DDC: variants seen among roughly 807,000 people sequenced by gnomAD.
DDC encodes aromatic-L-amino-acid decarboxylase.
A neutral mutation model predicts 60.0 loss-of-function variants in DDC; 43 were observed. The observed-to-expected ratio is 0.72, with a 90% confidence interval of 0.56 to 0.92. The LOEUF (loss-of-function observed/expected upper bound fraction) is 0.92, where lower values mean the gene tolerates loss of function less well. Ranked by LOEUF, DDC falls within the 40% of genes least tolerant of loss-of-function variation. DDC has a pLI of 0.00. For synonymous variants in DDC, 232 were observed against 234.6 expected (o/e 0.99, Z 0.10); for missense variants, 573 against 620.2 (o/e 0.92, Z 0.81).
chr7:50,507,239 A>C (rs535257656), intron 6 of DDC, among the ~76,000 whole-genome samples: 2 of 152,150 alleles, frequency 1.3e-5, no homozygotes, highest in South Asian at 4.1e-4. Flanking sequence ...ACTAAATGCA[A>C]TAACTTTTTT....
chr7:50,503,168 C>A (rs1364882476), intron 7 of DDC, among the ~76,000 whole-genome samples: 1 of 152,216 alleles, frequency 6.6e-6, no homozygotes, highest in Non-Finnish European at 1.5e-5. Context: ...CTGGCACAGG[C>A]CACAGGTATG....
At chr7:50,477,859 C>T (rs956475036) in intron 10 of DDC, among the ~76,000 whole-genome samples, 55 of 152,142 alleles carry the variant, frequency 3.6e-4, no homozygotes, top group African/African-American at 1.2e-3. Context: ...GAAACCACTG[C>T]AAATGAAACA....
At chr7:50,529,172 T>C in intron 5 of DDC, 36 bp downstream of exon 5, 1 of 1,612,294 alleles carries the variant, frequency 6.2e-7, no homozygotes, top group Non-Finnish European at 8.5e-7. Flanking sequence ...CATTCGGGTC[T>C]TGAAGTCTTG....
rs757691034 is a variant in DDC at position 50,529,303 on chromosome 7, C to A, written c.475G>T (p.Ala159Ser). 3 of 1,614,166 alleles carry A rather than the reference C, an allele frequency of 1.9e-6. No individual in the cohort carries two copies. The highest frequency in any genetic ancestry group is 2.2e-5 in the South Asian group (2 of 91,084). The change falls in exon 5 of 15, where the codon GCT becomes TCT. Residue 159 changes from alanine to serine, a missense_variant. By Grantham distance (99) the Ala-to-Ser change is moderately conservative. Transcript: ENST00000444124. The stretch of plus-strand genomic sequence containing the variant: ...AGCCGATGGATCACTTTGGTCCGAG[C>A]GGCCAGCAGGGCCACCAGGGTGGCT... ...SEATLVALLA[A>S]RTKVIHRLQA...
chr7:50,538,911 AG>A (rs1585257497), intron 3 of DDC, among the ~76,000 whole-genome samples: 1 of 151,848 alleles, frequency 6.6e-6, no homozygotes, highest in East Asian at 2.0e-4. Context: ...TGCCTGGCAG[AG>A]GAGCAGCACA....
chr7:50,465,409 C>T (rs990301282), intron 13 of DDC, among the ~76,000 whole-genome samples: 4 of 152,094 alleles, frequency 2.6e-5, no homozygotes, highest in Non-Finnish European at 5.9e-5. Flanking sequence ...CTTGCTCTGT[C>T]GCCCAGGCTG....
intron 12 of DDC, 100 bp downstream of exon 12, chr7:50,469,973 C>T: frequency 2.7e-6 from 2 of 751,062 alleles, no homozygotes; most frequent in Non-Finnish European, 4.4e-6. Flanking sequence ...GAGTGAAACT[C>T]TGTCTCAAAA....
intron 8 of DDC, among the ~76,000 whole-genome samples, chr7:50,495,804 T>C (rs2043115247): frequency 6.6e-6 from 1 of 152,248 alleles, no homozygotes; most frequent in Non-Finnish European, 1.5e-5. Flanking sequence ...TATTATATTT[T>C]AAATTACTGG....
chr7:50,560,283 A>G (rs528454862), intron 1 of DDC, among the ~76,000 whole-genome samples: 5 of 152,278 alleles, frequency 3.3e-5, no homozygotes, highest in African/African-American at 1.2e-4. Flanking sequence ...AGTCTTCAAG[A>G]GAGAAACAAG....
At chr7:50,497,443 G>T (rs1211183183) in intron 8 of DDC, among the ~76,000 whole-genome samples, 1 of 152,222 alleles carries the variant, frequency 6.6e-6, no homozygotes, top group Non-Finnish European at 1.5e-5. Flanking sequence ...CCCAGAGTTA[G>T]AAAAGAGCAT....
intron 6 of DDC, among the ~76,000 whole-genome samples, chr7:50,506,577 AG>A (rs2153541080): frequency 6.6e-6 from 1 of 152,374 alleles, no homozygotes; most frequent in African/African-American, 2.4e-5. Context: ...TGAGAAGGGC[AG>A]TCCCTCCAGG....
intron 1 of DDC, among the ~76,000 whole-genome samples, chr7:50,547,175 A>G (rs866761219): frequency 6.6e-6 from 1 of 152,038 alleles, no homozygotes; most frequent in Non-Finnish European, 1.5e-5. Flanking sequence ...ATTTCTAAGT[A>G]CATTTCTCAT....
intron 8 of DDC, 54 bp from the exon 9 acceptor site, chr7:50,495,471 T>C: frequency 1.4e-6 from 2 of 1,382,398 alleles, no homozygotes; most frequent in South Asian, 2.4e-5. Flanking sequence ...AAATGTTTAA[T>C]TATAAAGAAG....
rs553983539 is a variant in DDC at position 50,524,968 on chromosome 7, G to C, written c.714+3169C>G. On this transcript the variant is annotated intron_variant, in intron 6 of 14. Transcript: ENST00000444124. ...GAATGGGTAAACAAACTGTAGTATA[G>C]ATAACATGGTACCAAATCTCTGTGG... Among the ~76,000 whole-genome samples the C allele has an allele frequency of 6.6e-5, 10 of 152,224 alleles. No individual in the cohort carries two copies. The South Asian group carries it at 2.1e-3, about 32-fold the overall frequency.
At chr7:50,498,414 T>C (rs1416157242) in intron 8 of DDC, among the ~76,000 whole-genome samples, 3 of 152,180 alleles carry the variant, frequency 2.0e-5, no homozygotes, top group Non-Finnish European at 2.9e-5. Flanking sequence ...AAAGACTGCC[T>C]CTCAGGACCC....
chr7:50,461,799 A>G (rs983474045), intron 14 of DDC, among the ~76,000 whole-genome samples: 3 of 152,190 alleles, frequency 2.0e-5, no homozygotes, highest in African/African-American at 7.2e-5. Context: ...TGCTTGAGAT[A>G]CCACTTTGGA....
chr7:50,476,246 TG>T (rs1554415127), intron 11 of DDC, among the ~76,000 whole-genome samples: 2 of 152,228 alleles, frequency 1.3e-5, no homozygotes, highest in Non-Finnish European at 2.9e-5. Flanking sequence ...TGGCCCCACC[TG>T]GGAGCTTTTT....
intron 4 of DDC, among the ~76,000 whole-genome samples, chr7:50,530,709 T>C (rs141008226): frequency 1.1e-3 from 170 of 152,254 alleles, no homozygotes; most frequent in African/African-American, 4.0e-3. Flanking sequence ...AGCGAGCACC[T>C]TCCCTCTTAA....
intron 1 of DDC, among the ~76,000 whole-genome samples, chr7:50,559,586 C>T (rs964900410): frequency 2.0e-4 from 31 of 152,166 alleles, no homozygotes; most frequent in African/African-American, 7.5e-4. Flanking sequence ...CACAACCACG[C>T]CTGTCTAATT....
Sources: gnomAD v4.1 joint callset for allele counts (sites outside exome capture counted in the v4.1 genomes callset) on GRCh38, gnomAD v4.1.1 for gene constraint, MANE v1.5 for transcripts, NCBI Gene and HGNC (gene_info 2026-07-23, HGNC 2026-07-21) for gene names.